Variants in ANK2 observed in about 807,000 individuals in gnomAD.
The protein encoded by ANK2 is ankyrin 2, also known as ankyrin-2.
Under a neutral mutation model 360.5 loss-of-function variants are expected in ANK2, and 83 were observed. That is an observed-to-expected ratio of 0.23 (90% CI 0.19 to 0.28). The LOEUF is 0.28. Among genes scored for constraint, ANK2 ranks in the 10% least tolerant of loss-of-function variants. The probability of loss-of-function intolerance (pLI) is 1.00; values close to 1 mark genes in which losing one functional copy is unlikely to be tolerated. For synonymous variants in ANK2, 1,740 were observed against 1,759.5 expected (o/e 0.99, Z 0.28); for missense variants, 4,201 against 4,795.7 (o/e 0.88, Z 3.66).
At chr4:113,307,295 C>G (rs894148652) in intron 23 of ANK2, among the ~76,000 whole-genome samples, 4 of 152,052 alleles carry the variant, frequency 2.6e-5, no homozygotes, top group Admixed American at 6.6e-5. Flanking sequence ...GGTTTTAGCC[C>G]TTTTTCCATG....
At chr4:113,068,444 A>G (rs772910386) in intron 1 of ANK2, among the ~76,000 whole-genome samples, 45 of 152,322 alleles carry the variant, frequency 3.0e-4, no homozygotes, top group Non-Finnish European at 1.5e-4. Context: ...CTCACATCCC[A>G]TACAAACTTT....
At chr4:112,949,426 G>A (rs1322459868) in intron 2 of ANK2, among the ~76,000 whole-genome samples, 1 of 152,142 alleles carries the variant, frequency 6.6e-6, no homozygotes, top group African/African-American at 2.4e-5. Context: ...TTTAATTGCT[G>A]TGGAGATGAT....
At chr4:112,779,668 C>T in the ANK2 span, among the ~76,000 whole-genome samples, 4 of 152,148 alleles carry the variant, frequency 2.6e-5, no homozygotes, top group African/African-American at 9.7e-5. Context: ...TAGCACTTTC[C>T]TCAAAGTTCT....
intron 2 of ANK2, among the ~76,000 whole-genome samples, chr4:113,180,265 C>A (rs1019570280): frequency 2.0e-5 from 3 of 152,180 alleles, no homozygotes; most frequent in Admixed American, 6.5e-5. Flanking sequence ...AGCTGAGTGA[C>A]CCTCGGCAGT....
intron 1 of ANK2, among the ~76,000 whole-genome samples, chr4:113,071,457 C>T (rs189788536): frequency 2.8e-4 from 43 of 152,290 alleles, no homozygotes; most frequent in African/African-American, 8.7e-4. Context: ...TTGCCTTACC[C>T]GGGCTGTTGC....
intron 41 of ANK2, among the ~76,000 whole-genome samples, chr4:113,365,944 TG>T (rs2154056160): frequency 6.6e-6 from 1 of 152,340 alleles, no homozygotes; most frequent in African/African-American, 2.4e-5. Flanking sequence ...TCTCTTGTTT[TG>T]TACTAGATTT....
chr4:112,789,606 T>C, the ANK2 span, among the ~76,000 whole-genome samples: 2 of 152,308 alleles, frequency 1.3e-5, no homozygotes, highest in South Asian at 2.1e-4. Context: ...ATAGTGACCA[T>C]TGATGGCTTT....
intron 2 of ANK2, among the ~76,000 whole-genome samples, chr4:112,911,406 C>T (rs1040311806): frequency 1.3e-5 from 2 of 151,840 alleles, no homozygotes; most frequent in African/African-American, 2.4e-5. Flanking sequence ...ACCTGTACTT[C>T]CTCATACTCC....
intron 1 of ANK2, among the ~76,000 whole-genome samples, chr4:112,824,379 T>A (rs527707841): frequency 3.3e-5 from 5 of 152,234 alleles, no homozygotes; most frequent in Admixed American, 2.0e-4. Context: ...TAAGTTTTAT[T>A]TTTCTGGAGA....
At chr4:112,957,405 T>C (rs929068029) in intron 2 of ANK2, among the ~76,000 whole-genome samples, 1 of 152,186 alleles carries the variant, frequency 6.6e-6, no homozygotes, top group African/African-American at 2.4e-5. Context: ...AAGTCTCCCA[T>C]GTCTACTTCT....
chr4:113,125,836 A>C (rs1582349538), intron 1 of ANK2, among the ~76,000 whole-genome samples: 1 of 152,174 alleles, frequency 6.6e-6, no homozygotes, highest in African/African-American at 2.4e-5. Flanking sequence ...TTTCACAGAT[A>C]ATAAGAATGA....
intron 41 of ANK2, among the ~76,000 whole-genome samples, chr4:113,366,990 A>G (rs2096562169): frequency 6.6e-6 from 1 of 152,078 alleles, no homozygotes; most frequent in African/African-American, 2.4e-5. Context: ...TCTTTCAATG[A>G]CTCCTCATTT....
chr4:113,224,884 T>G (rs933856709), intron 4 of ANK2, among the ~76,000 whole-genome samples: 6 of 151,720 alleles, frequency 4.0e-5, no homozygotes, highest in Non-Finnish European at 5.9e-5. Flanking sequence ...AAGTTTTTTT[T>G]TTTTTTTTTT....
At chr4:113,350,323 C>T in intron 37 of ANK2, 74 bp downstream of exon 37, 1 of 1,326,740 alleles carries the variant, frequency 7.5e-7, no homozygotes, top group Non-Finnish European at 1.1e-6. Flanking sequence ...AAAATGCAAG[C>T]TAGTTGCTAT....
intron 3 of ANK2, among the ~76,000 whole-genome samples, chr4:113,196,907 C>G (rs1314346267): frequency 6.6e-6 from 1 of 152,150 alleles, no homozygotes. Context: ...AAAACCCCCT[C>G]CATTAAACTC....
At chr4:112,816,840 A>G (rs1481692033), upstream of ANK2, among the ~76,000 whole-genome samples, 1 of 152,202 alleles carries the variant, frequency 6.6e-6, no homozygotes, top group Non-Finnish European at 1.5e-5. Flanking sequence ...GTGAAACCCT[A>G]TCTGTACTAA....
chr4:113,331,906 C>A, intron 27 of ANK2, 66 bp from the exon 28 acceptor site: 1 of 1,437,780 alleles, frequency 7.0e-7, no homozygotes, highest in South Asian at 1.1e-5. Flanking sequence ...CGCTGGGGTT[C>A]TGTGGAAGAC....
chr4:113,196,126 A>G (rs942515523), intron 2 of ANK2, among the ~76,000 whole-genome samples: 3 of 152,230 alleles, frequency 2.0e-5, no homozygotes, highest in African/African-American at 7.2e-5. Flanking sequence ...GTTTAAAAAA[A>G]CTGTTGAAAT....
intron 1 of ANK2, among the ~76,000 whole-genome samples, chr4:112,884,413 G>A (rs992496920): frequency 6.6e-6 from 1 of 152,090 alleles, no homozygotes; most frequent in Non-Finnish European, 1.5e-5. Flanking sequence ...AAATCAGAAT[G>A]GTTGTGTTCC....
Sources: allele counts gnomAD v4.1 joint callset (sites outside exome capture counted in the v4.1 genomes callset), GRCh38; gene constraint gnomAD v4.1.1; transcripts MANE v1.5; gene names NCBI Gene and HGNC (gene_info 2026-07-23, HGNC 2026-07-21).